Variants in AFF2 observed in about 807,000 individuals in gnomAD.
AFF2 encodes AF4/FMR2 family member 2.
In AFF2, 14 loss-of-function variants were observed where a neutral mutation model predicts 76.9. That is an observed-to-expected ratio of 0.18 (90% CI 0.12 to 0.28). AFF2 has a LOEUF of 0.28. Among genes scored for constraint, AFF2 ranks in the 10% least tolerant of loss-of-function variants. The pLI, the probability that AFF2 is intolerant of heterozygous loss-of-function variation, is 1.00. For synonymous variants in AFF2, 398 were observed against 366.7 expected, an observed-to-expected ratio of 1.09 and a Z score of -0.98; for missense variants, 868 against 1,001.1, an observed-to-expected ratio of 0.87 and a Z score of 1.79.
intron 3 of AFF2, among the ~76,000 whole-genome samples, chrX:148,788,106 G>T (rs16994719): frequency 0.015 from 1,677 of 111,395 alleles, 29 homozygotes; most frequent in African/African-American, 0.05. Flanking sequence ...TCTAAAAGTT[G>T]ATCTATATCT....
At chrX:148,655,530 C>T (rs1024311563) in intron 2 of AFF2, among the ~76,000 whole-genome samples, 2 of 111,729 alleles carry the variant, frequency 1.8e-5, no homozygotes, top group Admixed American at 1.9e-4. Flanking sequence ...CCACCTTGAC[C>T]TCCCAAAGTG....
At chrX:148,752,874 T>C (rs2055518340) in intron 3 of AFF2, among the ~76,000 whole-genome samples, 1 of 112,202 alleles carries the variant, frequency 8.9e-6, no homozygotes, top group South Asian at 3.7e-4. Context: ...CAATGATTTC[T>C]TCATTGAGCA....
intron 7 of AFF2, among the ~76,000 whole-genome samples, chrX:148,845,866 G>A (rs1054794014): frequency 1.8e-5 from 2 of 112,197 alleles, no homozygotes; most frequent in African/African-American, 6.5e-5. Flanking sequence ...ACTTAGTGCA[G>A]TAAAGAGAGA....
chrX:148,514,087 TA>T (rs1188473770), intron 1 of AFF2, among the ~76,000 whole-genome samples: 4 of 112,036 alleles, frequency 3.6e-5, no homozygotes, highest in African/African-American at 1.3e-4. Flanking sequence ...TAACCATGCC[TA>T]TCTGACTTTA....
At chrX:148,763,558 A>G (rs946523850) in intron 3 of AFF2, among the ~76,000 whole-genome samples, 1 of 110,885 alleles carries the variant, frequency 9.0e-6, no homozygotes, top group Non-Finnish European at 1.9e-5. Context: ...TTGCTAAGAG[A>G]CATTGTAAGT....
chrX:148,656,186 G>A (rs1366061106), intron 2 of AFF2, among the ~76,000 whole-genome samples: 2 of 111,969 alleles, frequency 1.8e-5, no homozygotes, highest in Non-Finnish European at 3.8e-5. Context: ...GATTTGGTTG[G>A]TAATAGGGAA....
At chrX:148,614,738 T>TC (rs2053774074) in intron 1 of AFF2, among the ~76,000 whole-genome samples, 2 of 55,286 alleles carry the variant, frequency 3.6e-5, no homozygotes, top group Non-Finnish European at 6.4e-5. Flanking sequence ...TCTTTCCTTC[T>TC]TTTCTTTCTT....
intron 3 of AFF2, among the ~76,000 whole-genome samples, chrX:148,719,871 G>C (rs782262255): frequency 9.0e-6 from 1 of 111,247 alleles, no homozygotes; most frequent in African/African-American, 3.3e-5. Context: ...CATGTAGTAG[G>C]TGCTCACTGA....
At chrX:148,566,092 G>A (rs1286605721) in intron 1 of AFF2, among the ~76,000 whole-genome samples, 7 of 111,544 alleles carry the variant, frequency 6.3e-5, no homozygotes, top group African/African-American at 2.3e-4. Context: ...AATAGTTTAT[G>A]TGCATCATCT....
At chrX:148,738,467 TTC>T (rs781914935) in intron 3 of AFF2, among the ~76,000 whole-genome samples, 30 of 112,157 alleles carry the variant, frequency 2.7e-4, no homozygotes, top group Admixed American at 2.5e-3. Context: ...TTGTAATATC[TTC>T]TGTTTCACTT....
chrX:148,992,990 C>G lies in AFF2; in HGVS notation c.*1658C>G, dbSNP rs973587164. Reference sequence around the variant, plus strand: ...AAACTTGTGTGATTATTAAAGCCAGCCATGCAGGTCCATGATAGAAACAGC... The same window carrying G: ...AAACTTGTGTGATTATTAAAGCCAGGCATGCAGGTCCATGATAGAAACAGC... On this transcript the variant is annotated 3_prime_UTR_variant, in exon 21 of 21. Transcript: ENST00000370460. The G allele has an allele frequency of 3.5e-5, 4 of 112,699 alleles. No individual in the cohort carries two copies. The highest frequency in any genetic ancestry group is 7.5e-5 in the Non-Finnish European group (4 of 53,322). The allele number at this position is 112,699 out of a possible 1,213,427, so 9.3% of individuals were successfully genotyped here.
intron 13 of AFF2, among the ~76,000 whole-genome samples, chrX:148,965,601 C>A (rs2072162662): frequency 9.0e-6 from 1 of 111,432 alleles, no homozygotes; most frequent in Non-Finnish European, 1.9e-5. Context: ...GAAGACCATC[C>A]TGCCATTAAC....
chrX:148,748,504 C>T (rs925873312), intron 3 of AFF2, among the ~76,000 whole-genome samples: 14 of 112,006 alleles, frequency 1.2e-4, no homozygotes, highest in African/African-American at 3.9e-4. Flanking sequence ...ATACCGGACT[C>T]ATTCTCTAAT....
chrX:148,861,449 A>G (rs2070847207), intron 7 of AFF2, among the ~76,000 whole-genome samples: 2 of 112,248 alleles, frequency 1.8e-5, no homozygotes, highest in African/African-American at 3.2e-5. Context: ...AGGGAATTAT[A>G]TGATCCAACA....
At chrX:148,787,067 T>G (rs2124618748) in intron 3 of AFF2, among the ~76,000 whole-genome samples, 1 of 112,662 alleles carries the variant, frequency 8.9e-6, no homozygotes, top group South Asian at 3.6e-4. Flanking sequence ...ACTCAAATTT[T>G]TGCTGAGTAA....
chrX:148,944,885 A>T (rs143899375), intron 9 of AFF2, among the ~76,000 whole-genome samples: 1,518 of 111,177 alleles, frequency 0.014, 27 homozygotes, highest in African/African-American at 0.047. Context: ...TAGTATCCTT[A>T]AAACTATTTT....
chrX:148,625,784 T>C (rs368283883), intron 1 of AFF2, among the ~76,000 whole-genome samples: 8 of 111,818 alleles, frequency 7.2e-5, no homozygotes, highest in African/African-American at 2.6e-4. Flanking sequence ...CACCAAAGAC[T>C]GTTATCACCA....
At chrX:148,743,563 A>G (rs1414557296) in intron 3 of AFF2, among the ~76,000 whole-genome samples, 1 of 111,379 alleles carries the variant, frequency 9.0e-6, no homozygotes, top group Non-Finnish European at 1.9e-5. Flanking sequence ...GAGTGTGTGT[A>G]TCGTGATGGG....
rs2072621526 is a variant in AFF2, at chrX:148,997,701, TGGCATTAC to T, written c.*6370_*6377del. ...TGGTAACATCCGGGTCTGATTTAAT[TGGCATTAC>T]ACTTACACAGGGACTCTGAGCACCC... On this transcript the variant is annotated 3_prime_UTR_variant, in exon 21 of 21. Transcript: ENST00000370460. 9.0e-6 allele frequency: 1 copy of T among 110,926 alleles called. No homozygotes were observed. The highest frequency in any genetic ancestry group is 1.9e-5 in the Non-Finnish European group (1 of 52,555). The allele number at this position is 110,926 out of a possible 1,213,427, so 9.1% of individuals were successfully genotyped here. A position where few individuals can be genotyped will look rare whatever the true frequency, so the allele number is the denominator to read the frequency against.
Sources: allele counts gnomAD v4.1 joint callset (sites outside exome capture counted in the v4.1 genomes callset), GRCh38; gene constraint gnomAD v4.1.1; transcripts MANE v1.5; gene names NCBI Gene and HGNC (gene_info 2026-07-23, HGNC 2026-07-21).